Variants in CORIN observed in about 807,000 individuals in gnomAD.
The protein encoded by CORIN is atrial natriuretic peptide-converting enzyme.
CORIN carries 117 observed loss-of-function variants against 125.3 expected under a neutral mutation model. The observed-to-expected ratio is 0.93, with a 90% CI of 0.80 to 1.09. The LOEUF (loss-of-function observed/expected upper bound fraction) is 1.09. CORIN is among the 50% of genes least tolerant of loss of function. The pLI is 0.00. For missense variants in CORIN, 1,253 were observed against 1,306.7 expected, an observed-to-expected ratio of 0.96 and a Z score of 0.63; for synonymous variants, 450 against 466.4, an observed-to-expected ratio of 0.96 and a Z score of 0.45.
chr4:47,784,958 T>C (rs1375374549), intron 3 of CORIN, among the ~76,000 whole-genome samples: 1 of 152,200 alleles, frequency 6.6e-6, no homozygotes, highest in African/African-American at 2.4e-5. Context: ...TAATCCTGCT[T>C]TTCCTCAAAC....
intron 16 of CORIN, among the ~76,000 whole-genome samples, chr4:47,626,837 T>A (rs1035247880): frequency 6.6e-6 from 1 of 152,218 alleles, no homozygotes; most frequent in Non-Finnish European, 1.5e-5. Context: ...TTCCTCCTCT[T>A]TTCTTGTCCA....
At chr4:47,634,600 C>T (rs1722955855) in intron 16 of CORIN, among the ~76,000 whole-genome samples, 1 of 152,198 alleles carries the variant, frequency 6.6e-6, no homozygotes, top group Non-Finnish European at 1.5e-5. Flanking sequence ...CACCATTGCA[C>T]TCCAGCCTGG....
chr4:47,786,751 G>C lies in CORIN; in HGVS notation c.383C>G (p.Pro128Arg). The change falls in exon 3 of 22, where the codon CCA becomes CGA. Residue 128 changes from proline to arginine, a missense_variant. By Grantham distance (103) the Pro-to-Arg change is moderately radical. Transcript: ENST00000273857. ...TGTATTCCTGTGACTTTGGTCCCCTGGGAGAGAAGCATCCGTAGTCCAGGC... is the reference window on the plus strand; with the variant it reads ...TGTATTCCTGTGACTTTGGTCCCCTCGGAGAGAAGCATCCGTAGTCCAGGC... ...VPAWTTDASLPGDQSHRNTSA... is the reference protein window; with the variant it reads ...VPAWTTDASLRGDQSHRNTSA... The C allele has an allele frequency of 6.2e-7, 1 of 1,614,100 alleles. No homozygotes were observed. Among genetic ancestry groups the C allele is most frequent in the Non-Finnish European group, 8.5e-7 (1 of 1,179,962 alleles).
intron 2 of CORIN, among the ~76,000 whole-genome samples, chr4:47,795,641 A>G (rs1381187037): frequency 6.6e-6 from 1 of 152,116 alleles, no homozygotes; most frequent in African/African-American, 2.4e-5. Context: ...TTGCACAGCA[A>G]AACAATCAAC....
chr4:47,595,628 G>T lies in CORIN; in HGVS notation c.*93C>A. The T allele has an allele frequency of 3.4e-6, 3 of 878,830 alleles. No homozygotes were observed. Among genetic ancestry groups the T allele is most frequent in the Non-Finnish European group, 3.4e-6 (2 of 596,870 alleles). The allele number at this position is 878,830 out of a possible 1,614,324, so 54.4% of individuals were successfully genotyped here. Reference sequence around the variant, plus strand: ...TTGAGCATTTCTGTCCATGAAAAGTGCTTCTGTACAGCTCTCTGCAGGCAG... The same window carrying T: ...TTGAGCATTTCTGTCCATGAAAAGTTCTTCTGTACAGCTCTCTGCAGGCAG... On this transcript the variant is annotated 3_prime_UTR_variant, in exon 22 of 22. Coordinates refer to ENST00000273857, the MANE Select transcript of CORIN (RefSeq NM_006587.4).
chr4:47,782,008 A>G (rs756255817), intron 3 of CORIN, among the ~76,000 whole-genome samples: 7 of 152,142 alleles, frequency 4.6e-5, no homozygotes, highest in Non-Finnish European at 7.3e-5. Context: ...TAAAAGGTTC[A>G]ATATAAAAAG....
intron 3 of CORIN, among the ~76,000 whole-genome samples, chr4:47,769,403 C>T (rs1384982754): frequency 6.6e-6 from 1 of 151,950 alleles, no homozygotes; most frequent in African/African-American, 2.4e-5. Context: ...GAAAAATATC[C>T]TGTATTCATG....
chr4:47,722,075 T>C (rs1274812343), intron 5 of CORIN, among the ~76,000 whole-genome samples: 1 of 152,256 alleles, frequency 6.6e-6, no homozygotes, highest in African/African-American at 2.4e-5. Context: ...TCATCACACA[T>C]ACTGATGCAA....
chr4:47,834,431 T>C (rs1733268554), intron 1 of CORIN, among the ~76,000 whole-genome samples: 1 of 152,114 alleles, frequency 6.6e-6, no homozygotes, highest in Non-Finnish European at 1.5e-5. Flanking sequence ...GAGAGTGGAA[T>C]GGTGGTTTCC....
chr4:47,753,941 C>T (rs1466248984), intron 4 of CORIN, among the ~76,000 whole-genome samples: 1 of 152,156 alleles, frequency 6.6e-6, no homozygotes. Flanking sequence ...GAAATCTTCA[C>T]AATTTATGTT....
At chr4:47,686,743 GTGCAAAGTATACGCA>G (rs1339159930) in intron 6 of CORIN, among the ~76,000 whole-genome samples, 1 of 152,170 alleles carries the variant, frequency 6.6e-6, no homozygotes, top group Non-Finnish European at 1.5e-5. Flanking sequence ...TTGACGATCA[GTGCAAAGTATACGCA>G]TGCATTCGCC....
intron 6 of CORIN, among the ~76,000 whole-genome samples, chr4:47,685,662 G>C (rs1475332043): frequency 2.0e-5 from 3 of 152,006 alleles, no homozygotes; most frequent in African/African-American, 7.2e-5. Flanking sequence ...CCTCAATAAA[G>C]CTGTAAAAAT....
intron 4 of CORIN, among the ~76,000 whole-genome samples, chr4:47,753,082 G>A (rs1577891799): frequency 6.6e-6 from 1 of 152,132 alleles, no homozygotes; most frequent in East Asian, 1.9e-4. Flanking sequence ...AAGAAATAAA[G>A]AGAGTACAAA....
At chr4:47,609,132 C>A (rs1171347941) in intron 19 of CORIN, among the ~76,000 whole-genome samples, 1 of 152,156 alleles carries the variant, frequency 6.6e-6, no homozygotes, top group East Asian at 1.9e-4. Flanking sequence ...GTTACCAAAT[C>A]TGCACTAAAT....
At chr4:47,661,113 G>A (rs1473415356) in intron 12 of CORIN, among the ~76,000 whole-genome samples, 1 of 152,166 alleles carries the variant, frequency 6.6e-6, no homozygotes, top group Admixed American at 6.5e-5. Context: ...ACTTATTTGT[G>A]GGAGCTGAAA....
At chr4:47,709,437 C>A (rs1051933387) in intron 5 of CORIN, among the ~76,000 whole-genome samples, 1 of 152,048 alleles carries the variant, frequency 6.6e-6, no homozygotes. Context: ...GGACGACAGG[C>A]ACCCACCACC....
intron 5 of CORIN, among the ~76,000 whole-genome samples, chr4:47,710,592 C>T (rs1726794576): frequency 6.6e-6 from 1 of 152,208 alleles, no homozygotes; most frequent in Non-Finnish European, 1.5e-5. Flanking sequence ...AGTGCTGCCC[C>T]CCTATAGAGC....
intron 1 of CORIN, among the ~76,000 whole-genome samples, chr4:47,824,116 CTTTT>C (rs199752598): frequency 1.4e-5 from 2 of 139,276 alleles, no homozygotes; most frequent in Non-Finnish European, 1.6e-5. Flanking sequence ...AATGCTATTC[CTTTT>C]TTTTTTTTTT....
chr4:47,764,777 C>T (rs551707411), intron 3 of CORIN, among the ~76,000 whole-genome samples: 1 of 152,240 alleles, frequency 6.6e-6, no homozygotes, highest in South Asian at 2.1e-4. Flanking sequence ...GGCTAAAAAG[C>T]ATATAATGAC....
Sources: allele counts gnomAD v4.1 joint callset (sites outside exome capture counted in the v4.1 genomes callset), GRCh38; gene constraint gnomAD v4.1.1; transcripts MANE v1.5; gene names NCBI Gene and HGNC (gene_info 2026-07-23, HGNC 2026-07-21).